Variants in SLC4A10 observed in about 807,000 individuals in gnomAD.
SLC4A10 encodes the protein sodium-driven chloride bicarbonate exchanger.
Under a neutral mutation model 137.7 loss-of-function variants are expected in SLC4A10, and 42 were observed. That is an observed-to-expected ratio of 0.30 (90% confidence interval 0.24 to 0.39). The LOEUF (loss-of-function observed/expected upper bound fraction) is 0.39. Among genes scored for constraint, SLC4A10 ranks in the 10% least tolerant of loss-of-function variants. The probability of loss-of-function intolerance (pLI) is 1.00; values close to 1 mark genes in which losing one functional copy is unlikely to be tolerated. For missense variants in SLC4A10, 925 were observed against 1,355.0 expected (o/e 0.68, Z 4.98); for synonymous variants, 474 against 464.1 (o/e 1.02, Z -0.27).
intron 3 of SLC4A10, among the ~76,000 whole-genome samples, chr2:161,836,540 GAA>G (rs2058794179): frequency 6.2e-5 from 1 of 16,256 alleles, no homozygotes; most frequent in African/African-American, 2.0e-4. Flanking sequence ...GAGAAAGAAA[GAA>G]AGAAAGAAAG....
At chr2:161,973,648 T>G (rs1698932265) in intron 23 of SLC4A10, among the ~76,000 whole-genome samples, 1 of 152,194 alleles carries the variant, frequency 6.6e-6, no homozygotes, top group African/African-American at 2.4e-5. Flanking sequence ...TATCTTCTAC[T>G]GTCTCTTTCC....
chr2:161,947,758 A>G (rs377145060), intron 17 of SLC4A10, 31 bp downstream of exon 17: 2 of 1,598,722 alleles, frequency 1.3e-6, no homozygotes, highest in Non-Finnish European at 8.5e-7. Flanking sequence ...TCTAAATGTA[A>G]AATAACATAG....
In SLC4A10 at chr2:161,872,326, C is replaced by G. The variant is rs1411794285; in HGVS notation, c.800C>G (p.Ala267Gly). 1.2e-6 allele frequency: 2 copies of G among 1,613,584 alleles called. No homozygotes were observed. The highest frequency in any genetic ancestry group is 1.7e-5 in the Admixed American group (1 of 59,996). ...GTTGTTTCTCCTCAGTCTGCTCCAG[C>G]CTGTGTTGAAAATAAAAATGATGTT... is the stretch of plus-strand genomic sequence containing the variant. The part of the protein sequence containing the change: ...GQVVSPQSAP[A>G]CVENKNDVSR... The change falls in exon 7 of 27, where the codon GCC becomes GGC. Residue 267 changes from alanine (A) to glycine (G), a missense_variant. Around this residue, in one of 11 missense-constraint regions of SLC4A10, gnomAD observed 277 missense variants for 306.1 expected, o/e 0.90. Transcript: ENST00000446997.
chr2:161,957,292 T>C, intron 20 of SLC4A10, 52 bp downstream of exon 20: 2 of 1,550,936 alleles, frequency 1.3e-6, no homozygotes, highest in Non-Finnish European at 1.7e-6. Context: ...TTTATCATCA[T>C]TTAAAATTTT....
intron 1 of SLC4A10, among the ~76,000 whole-genome samples, chr2:161,719,336 C>T (rs2045341059): frequency 6.6e-6 from 1 of 152,136 alleles, no homozygotes; most frequent in African/African-American, 2.4e-5. Flanking sequence ...CAAGTCTTTG[C>T]TATTGTGAAT....
chr2:161,664,928 C>A (rs1292480408), intron 1 of SLC4A10, among the ~76,000 whole-genome samples: 1 of 151,606 alleles, frequency 6.6e-6, no homozygotes, highest in Non-Finnish European at 1.5e-5. Flanking sequence ...GAGGCAACAT[C>A]AAAAAATTCT....
In SLC4A10 at chr2:161,888,344, C is replaced by T. The variant is rs376447019; in HGVS notation, c.1194+5900C>T. ...ATTCTGCGAAGACAGTCAATGGTAGCTTGATGGGGATAGCATTGAATCTAT... is the reference window on the plus strand; with the variant it reads ...ATTCTGCGAAGACAGTCAATGGTAGTTTGATGGGGATAGCATTGAATCTAT... On this transcript the variant is annotated intron_variant, in intron 10 of 26. Transcript: ENST00000446997. 2.0e-5 allele frequency among the ~76,000 whole-genome samples: 3 copies of T among 152,248 alleles called. No individual in the cohort carries two copies. In the East Asian group the frequency reaches 5.8e-4, roughly 29 times the overall value.
intron 15 of SLC4A10, among the ~76,000 whole-genome samples, chr2:161,937,085 C>T (rs1477907144): frequency 6.6e-6 from 1 of 152,056 alleles, no homozygotes; most frequent in Non-Finnish European, 1.5e-5. Context: ...TTTTAACTTC[C>T]TCATTGTCCC....
At chr2:161,706,567 T>C (rs1157986564) in intron 1 of SLC4A10, among the ~76,000 whole-genome samples, 1 of 151,606 alleles carries the variant, frequency 6.6e-6, no homozygotes, top group Non-Finnish European at 1.5e-5. Flanking sequence ...TCTCCCGTCC[T>C]CCAGTTTTGT....
At chr2:161,978,238 T>A (rs529023873) in intron 26 of SLC4A10, among the ~76,000 whole-genome samples, 48 of 151,430 alleles carry the variant, frequency 3.2e-4, no homozygotes, top group South Asian at 2.5e-3. Flanking sequence ...TACAAAAAAA[T>A]TAGCCAGGCG....
intron 1 of SLC4A10, among the ~76,000 whole-genome samples, chr2:161,642,639 G>A (rs1251170233): frequency 2.6e-5 from 4 of 151,950 alleles, no homozygotes; most frequent in Non-Finnish European, 5.9e-5. Flanking sequence ...GTCTTAGTGA[G>A]TAAGAATGGA....
chr2:161,795,437 C>T (rs1334895850), intron 2 of SLC4A10, among the ~76,000 whole-genome samples: 1 of 152,032 alleles, frequency 6.6e-6, no homozygotes, highest in Non-Finnish European at 1.5e-5. Flanking sequence ...TTAATGTATA[C>T]AACTCAATGA....
At chr2:161,748,308 T>C (rs1050352803) in intron 1 of SLC4A10, among the ~76,000 whole-genome samples, 2 of 152,190 alleles carry the variant, frequency 1.3e-5, no homozygotes, top group African/African-American at 4.8e-5. Flanking sequence ...TTTGCTTTCT[T>C]GCCTAAGCTT....
chr2:161,766,329 G>T (rs1426304147), intron 1 of SLC4A10, among the ~76,000 whole-genome samples: 1 of 152,056 alleles, frequency 6.6e-6, no homozygotes, highest in Non-Finnish European at 1.5e-5. Context: ...TTTGGTTGAG[G>T]ATAGCATAGG....
intron 10 of SLC4A10, among the ~76,000 whole-genome samples, chr2:161,884,615 A>AT (rs1480473544): frequency 1.3e-5 from 2 of 152,108 alleles, no homozygotes; most frequent in Admixed American, 1.3e-4. Flanking sequence ...TCAGTCATCT[A>AT]TTTTTTCAAT....
At chr2:161,818,695 T>C (rs1430618629) in intron 3 of SLC4A10, among the ~76,000 whole-genome samples, 1 of 152,228 alleles carries the variant, frequency 6.6e-6, no homozygotes. Context: ...GAAAGGTTGT[T>C]GAATTTTGTC....
intron 25 of SLC4A10, chr2:161,977,329 G>A (rs140646093): frequency 4.8e-4 from 219 of 455,788 alleles, no homozygotes; most frequent in African/African-American, 4.0e-3. Flanking sequence ...CCCCCTGAAA[G>A]TCTTCCCTAA....
intron 2 of SLC4A10, among the ~76,000 whole-genome samples, chr2:161,795,965 T>C (rs2054729994): frequency 6.6e-6 from 1 of 152,088 alleles, no homozygotes; most frequent in Non-Finnish European, 1.5e-5. Context: ...TTTATGCAGG[T>C]TCTTATACAT....
chr2:161,916,362 A>G (rs944221825), intron 15 of SLC4A10, among the ~76,000 whole-genome samples: 3 of 152,202 alleles, frequency 2.0e-5, no homozygotes, highest in African/African-American at 4.8e-5. Flanking sequence ...CAAATTCTCT[A>G]TATAGAATAC....
Sources: allele counts gnomAD v4.1 joint callset (sites outside exome capture counted in the v4.1 genomes callset), GRCh38; gene constraint gnomAD v4.1.1; regional missense constraint gnomAD v4.1.1; transcripts MANE v1.5; gene names NCBI Gene and HGNC (gene_info 2026-07-23, HGNC 2026-07-21).